ZFPM2: variants seen among roughly 807,000 people sequenced by gnomAD.
ZFPM2 encodes zinc finger protein ZFPM2.
Under a neutral mutation model 98.6 loss-of-function variants are expected in ZFPM2, and 20 were observed. The observed-to-expected ratio is 0.20, with a 90% CI of 0.14 to 0.29. ZFPM2 has a LOEUF of 0.29. ZFPM2 is among the 10% of genes least tolerant of loss of function. The probability of loss-of-function intolerance (pLI) is 1.00; values close to 1 mark genes in which losing one functional copy is unlikely to be tolerated. For synonymous variants in ZFPM2, 518 were observed against 502.7 expected, an observed-to-expected ratio of 1.03 and a Z score of -0.41; for missense variants, 1,310 against 1,388.6, an observed-to-expected ratio of 0.94 and a Z score of 0.90.
At position 105,726,019 on chromosome 8, in the gene ZFPM2, G is replaced by A. The variant is rs149089058; in HGVS notation, c.533-62699G>A. The stretch of plus-strand genomic sequence containing the variant: ...TTGTGGAAGCAGTCTATAGGAAAAC[G>A]ATGAGTAAAATAACCTATTTTTAAG... On this transcript the variant is annotated intron_variant, in intron 5 of 7. Coordinates refer to ENST00000407775, the MANE Select transcript of ZFPM2 (RefSeq NM_012082.4). Among the ~76,000 whole-genome samples, 463 of 151,690 alleles carry A rather than the reference G, an allele frequency of 3.1e-3. 4 individuals are homozygous for A. The highest frequency in any genetic ancestry group is 3.4e-3 in the Non-Finnish European group (231 of 67,794).
rs571099894 is a variant in ZFPM2 at position 105,452,779 on chromosome 8, A to G, written c.301+8398A>G. On this transcript the variant is annotated intron_variant, in intron 3 of 7. Transcript: ENST00000407775. ...ACAACAACAACAACAAAACAAAACA[A>G]AACGACAAACAAACAAAATCCAAAA... is the stretch of plus-strand genomic sequence containing the variant. Among the ~76,000 whole-genome samples, 339 of 152,078 alleles carry G rather than the reference A, an allele frequency of 2.2e-3. 2 individuals are homozygous for G. Among genetic ancestry groups the G allele is most frequent in the Non-Finnish European group, 6.2e-4 (42 of 67,978 alleles).
intron 5 of ZFPM2, among the ~76,000 whole-genome samples, chr8:105,658,032 G>A (rs1307930404): frequency 1.9e-4 from 29 of 152,042 alleles, no homozygotes; most frequent in Admixed American, 1.9e-3. Flanking sequence ...TGCTTCCATT[G>A]TATGACTATG....
intron 1 of ZFPM2, among the ~76,000 whole-genome samples, chr8:105,403,884 A>G (rs1811387436): frequency 6.6e-6 from 1 of 151,940 alleles, no homozygotes; most frequent in South Asian, 2.1e-4. Flanking sequence ...CTCCTTATTG[A>G]TAGTTCCTGG....
At chr8:105,614,322 T>A (rs1002607094) in intron 4 of ZFPM2, among the ~76,000 whole-genome samples, 3 of 152,138 alleles carry the variant, frequency 2.0e-5, no homozygotes, top group African/African-American at 7.2e-5. Context: ...TATGTGGAGT[T>A]TCCTAAAAGA....
At chr8:105,567,386 T>C (rs1815263889) in intron 4 of ZFPM2, among the ~76,000 whole-genome samples, 1 of 152,168 alleles carries the variant, frequency 6.6e-6, no homozygotes, top group African/African-American at 2.4e-5. Context: ...GGACAGAAAG[T>C]TGGTGGACTA....
At chr8:105,763,801 G>T (rs1410695664) in intron 5 of ZFPM2, among the ~76,000 whole-genome samples, 1 of 151,796 alleles carries the variant, frequency 6.6e-6, no homozygotes, top group Non-Finnish European at 1.5e-5. Flanking sequence ...CCTGGCAAAT[G>T]GAGTAAGATC....
intron 5 of ZFPM2, among the ~76,000 whole-genome samples, chr8:105,731,042 C>G (rs1448026850): frequency 1.3e-5 from 2 of 151,528 alleles, no homozygotes; most frequent in African/African-American, 2.4e-5. Flanking sequence ...TAGATATGAA[C>G]ACTGAGAGAG....
chr8:105,641,984 A>G (rs1261766339), intron 5 of ZFPM2, among the ~76,000 whole-genome samples: 1 of 152,122 alleles, frequency 6.6e-6, no homozygotes, highest in African/African-American at 2.4e-5. Context: ...CTAAGAATAT[A>G]TCAGTTTTAT....
intron 2 of ZFPM2, among the ~76,000 whole-genome samples, chr8:105,443,009 T>A (rs1041222309): frequency 6.6e-6 from 1 of 151,904 alleles, no homozygotes; most frequent in Non-Finnish European, 1.5e-5. Flanking sequence ...GCAATTTAAT[T>A]TAAAAATCTT....
At chr8:105,638,607 T>C (rs1816893293) in intron 5 of ZFPM2, among the ~76,000 whole-genome samples, 1 of 152,116 alleles carries the variant, frequency 6.6e-6, no homozygotes, top group Non-Finnish European at 1.5e-5. Context: ...TGCAGATGTG[T>C]GACATTTTGC....
chr8:105,362,757 T>C (rs1810432988), intron 1 of ZFPM2, among the ~76,000 whole-genome samples: 1 of 152,140 alleles, frequency 6.6e-6, no homozygotes, highest in African/African-American at 2.4e-5. Context: ...TTTGTAATAT[T>C]GGCAGTGTTG....
intron 5 of ZFPM2, among the ~76,000 whole-genome samples, chr8:105,736,175 G>GA (rs1440706911): frequency 7.2e-5 from 11 of 151,888 alleles, no homozygotes; most frequent in Admixed American, 3.3e-4. Flanking sequence ...AGCTAAAGTA[G>GA]AAATCAAACC....
chr8:105,742,484 G>A (rs368322399), intron 5 of ZFPM2, among the ~76,000 whole-genome samples: 1 of 151,556 alleles, frequency 6.6e-6, no homozygotes, highest in South Asian at 2.1e-4. Context: ...TGTGAAATTA[G>A]ATAAGAGAGG....
chr8:105,527,465 A>G (rs1047799130), intron 3 of ZFPM2, among the ~76,000 whole-genome samples: 8 of 152,226 alleles, frequency 5.3e-5, no homozygotes, highest in African/African-American at 1.7e-4. Flanking sequence ...GGATATAGAG[A>G]AAAGAGCAGA....
At chr8:105,330,091 T>A (rs748022834) in intron 1 of ZFPM2, among the ~76,000 whole-genome samples, 1 of 151,600 alleles carries the variant, frequency 6.6e-6, no homozygotes, top group Non-Finnish European at 1.5e-5. Context: ...TAAAGTAGAA[T>A]AGCTAGTTTT....
At chr8:105,581,389 C>T (rs1451649009) in intron 4 of ZFPM2, among the ~76,000 whole-genome samples, 1 of 152,212 alleles carries the variant, frequency 6.6e-6, no homozygotes, top group South Asian at 2.1e-4. Context: ...CATTAAGATG[C>T]CTTTCGCAGT....
chr8:105,380,676 T>TTATATATATATTA lies in ZFPM2; in HGVS notation c.41-38461_41-38449dup, dbSNP rs1810842022. ...ATATATATTATATATAACATATATATTATATATATATTATATATAACATAT... is the reference window on the plus strand; with the variant it reads ...ATATATATTATATATAACATATATATTATATATATATTATATATATATATTATATATAACATAT... On this transcript the variant is annotated intron_variant, in intron 1 of 7. Coordinates refer to ENST00000407775, the MANE Select transcript of ZFPM2 (RefSeq NM_012082.4). Among the ~76,000 whole-genome samples, 3 of 14,200 alleles carry TTATATATATATTA rather than the reference T, an allele frequency of 2.1e-4. 1 individual carries two copies. Among genetic ancestry groups the TTATATATATATTA allele is most frequent in the Admixed American group, 3.3e-3 (2 of 614 alleles). 9.3% of individuals were successfully genotyped at this position (14,200 alleles called of 152,430 possible).
At chr8:105,762,906 G>C (rs982577062) in intron 5 of ZFPM2, among the ~76,000 whole-genome samples, 1 of 151,544 alleles carries the variant, frequency 6.6e-6, no homozygotes, top group African/African-American at 2.4e-5. Flanking sequence ...ACTAGTATTT[G>C]TCATGTTAAT....
chr8:105,703,719 A>G (rs1176863743), intron 5 of ZFPM2, among the ~76,000 whole-genome samples: 1 of 152,196 alleles, frequency 6.6e-6, no homozygotes, highest in Admixed American at 6.5e-5. Context: ...ATATAGATCA[A>G]TAAGTTCTAA....
Sources: gnomAD v4.1 joint callset for allele counts (sites outside exome capture counted in the v4.1 genomes callset) on GRCh38, gnomAD v4.1.1 for gene constraint, MANE v1.5 for transcripts, NCBI Gene and HGNC (gene_info 2026-07-23, HGNC 2026-07-21) for gene names.